Variants in LIMS1 observed in about 807,000 individuals in gnomAD.
LIMS1 encodes LIM zinc finger domain containing 1.
Under a neutral mutation model 44.1 loss-of-function variants are expected in LIMS1, and 18 were observed. That is an observed-to-expected ratio of 0.41 (90% CI 0.28 to 0.61). LIMS1 has a LOEUF of 0.61. Ranked by LOEUF, LIMS1 falls within the 20% of genes least tolerant of loss-of-function variation. The probability of loss-of-function intolerance (pLI) is 0.32; values close to 1 mark genes in which losing one functional copy is unlikely to be tolerated. For synonymous variants in LIMS1, 93 were observed against 149.1 expected, an observed-to-expected ratio of 0.62 and a Z score of 2.74; for missense variants, 201 against 422.0, an observed-to-expected ratio of 0.48 and a Z score of 4.59.
chr2:108,680,166 T>C (rs1187764066), intron 8 of LIMS1, among the ~76,000 whole-genome samples: 2 of 151,716 alleles, frequency 1.3e-5, no homozygotes, highest in East Asian at 1.9e-4. Context: ...GTCAAGAGAT[T>C]GAGACCATCT....
chr2:108,595,865 C>T (rs554152700), intron 1 of LIMS1, among the ~76,000 whole-genome samples: 18 of 152,104 alleles, frequency 1.2e-4, no homozygotes, highest in African/African-American at 3.1e-4. Flanking sequence ...TTTTTAAACT[C>T]AACAGTTCAA....
chr2:108,665,557 C>T (rs1328663178), intron 2 of LIMS1, among the ~76,000 whole-genome samples: 8 of 151,932 alleles, frequency 5.3e-5, no homozygotes, highest in African/African-American at 7.3e-5. Context: ...GACAGAGTTT[C>T]GCTCTGTCGC....
At chr2:108,573,306 C>CTTTT (rs1313789655) in intron 1 of LIMS1, among the ~76,000 whole-genome samples, 1 of 141,026 alleles carries the variant, frequency 7.1e-6, no homozygotes. Context: ...CTTTTCTTTT[C>CTTTT]TTTTTTTTTT....
intron 1 of LIMS1, among the ~76,000 whole-genome samples, chr2:108,595,097 A>G (rs1686604098): frequency 6.6e-6 from 1 of 152,190 alleles, no homozygotes; most frequent in African/African-American, 2.4e-5. Context: ...CTGAAGGGCT[A>G]TTTATGGAGA....
At chr2:108,608,657 C>T (rs573574013) in intron 1 of LIMS1, among the ~76,000 whole-genome samples, 1 of 151,130 alleles carries the variant, frequency 6.6e-6, no homozygotes, top group African/African-American at 2.4e-5. Context: ...AGTGAATTTT[C>T]TTTTACAGCT....
intron 1 of LIMS1, among the ~76,000 whole-genome samples, chr2:108,546,520 T>C (rs1684487788): frequency 1.3e-5 from 2 of 152,054 alleles, no homozygotes; most frequent in Non-Finnish European, 2.9e-5. Flanking sequence ...TCTGCACTTC[T>C]TGGAAGTCCA....
intron 2 of LIMS1, among the ~76,000 whole-genome samples, chr2:108,661,683 T>C (rs2148973735): frequency 6.6e-6 from 1 of 152,210 alleles, no homozygotes; most frequent in Admixed American, 6.5e-5. Flanking sequence ...CGTTTGCTGG[T>C]GGTAGTGGTG....
rs1692536300 is a variant in LIMS1 at position 108,676,047 on chromosome 2, AG to A, written c.681+22del. ...TGTGGAGGTGAGTTCTAAATGGCAA[AG>A]GGTAACCAATCCTTTCAAATCTCCA... On this transcript the variant is annotated intron_variant, in intron 6 of 9. Transcript: ENST00000544547. 1 of 1,602,204 alleles carries A rather than the reference AG, an allele frequency of 6.2e-7. No individual in the cohort carries two copies. Among genetic ancestry groups the A allele is most frequent in the Admixed American group, 1.7e-5 (1 of 58,488 alleles).
At chr2:108,648,404 A>G (rs1485818269) in intron 1 of LIMS1, among the ~76,000 whole-genome samples, 3 of 152,208 alleles carry the variant, frequency 2.0e-5, no homozygotes, top group Admixed American at 6.5e-5. Flanking sequence ...TATAGATTCA[A>G]TGCTGTCCCC....
chr2:108,575,280 C>T (rs1685626017), intron 1 of LIMS1, among the ~76,000 whole-genome samples: 1 of 124,748 alleles, frequency 8.0e-6, no homozygotes, highest in Admixed American at 9.4e-5. Context: ...CTCTTACAAA[C>T]ATAGTTATAT....
chr2:108,645,106 C>T (rs1234498730), intron 1 of LIMS1, among the ~76,000 whole-genome samples: 1 of 152,028 alleles, frequency 6.6e-6, no homozygotes, highest in Non-Finnish European at 1.5e-5. Flanking sequence ...ACTTCCCCAA[C>T]CTAGCAAGGC....
rs199689171 is a variant in LIMS1, at chr2:108,552,567, G to GTA, written c.32+17985_32+17986dup. Among the ~76,000 whole-genome samples, 1,167 of 130,494 alleles carry GTA rather than the reference G, an allele frequency of 8.9e-3. 16 individuals are homozygous for GTA. Among genetic ancestry groups the GTA allele is most frequent in the African/African-American group, 0.025 (863 of 33,962 alleles). The allele number at this position is 130,494 out of a possible 152,430, so 85.6% of individuals were successfully genotyped here. ...ATACACTATGAGTGAACTTTGGGGTGTATATATATATATTTTGGGTGTGTG... is the reference window on the plus strand; with the variant it reads ...ATACACTATGAGTGAACTTTGGGGTGTATATATATATATATTTTGGGTGTGTG... On this transcript the variant is annotated intron_variant, in intron 1 of 9. Coordinates refer to ENST00000544547, the Ensembl canonical transcript of LIMS1.
chr2:108,653,577 G>A (rs1690648376), intron 1 of LIMS1, among the ~76,000 whole-genome samples: 2 of 152,090 alleles, frequency 1.3e-5, no homozygotes. Context: ...AAGATTCTGA[G>A]CCCTTTAGTT....
intron 1 of LIMS1, among the ~76,000 whole-genome samples, chr2:108,535,177 T>C (rs2104557715): frequency 6.6e-6 from 1 of 152,350 alleles, no homozygotes; most frequent in African/African-American, 2.4e-5. Flanking sequence ...ACAACTACGT[T>C]CTCCCATCTC....
intron 1 of LIMS1, among the ~76,000 whole-genome samples, chr2:108,626,004 T>C (rs765741378): frequency 3.9e-5 from 6 of 152,206 alleles, no homozygotes; most frequent in Admixed American, 2.0e-4. Context: ...GGGCCCACCA[T>C]GTCTCATGAT....
intron 1 of LIMS1, among the ~76,000 whole-genome samples, chr2:108,603,715 AGTACT>A (rs1262778544): frequency 6.6e-6 from 1 of 152,022 alleles, no homozygotes; most frequent in African/African-American, 2.4e-5. Context: ...GGCCTCCCAA[AGTACT>A]GTGAGCCACC....
chr2:108,543,299 C>T (rs778690784), intron 1 of LIMS1, among the ~76,000 whole-genome samples: 2 of 152,144 alleles, frequency 1.3e-5, no homozygotes, highest in Non-Finnish European at 2.9e-5. Flanking sequence ...GGCATGGTGG[C>T]ACGTGCCCGT....
intron 1 of LIMS1, among the ~76,000 whole-genome samples, chr2:108,544,757 A>G (rs1395174603): frequency 6.6e-6 from 1 of 152,176 alleles, no homozygotes; most frequent in Non-Finnish European, 1.5e-5. Context: ...GGCCTCCCAA[A>G]GTGCTAGGAT....
At chr2:108,647,539 G>A (rs1449595029) in intron 1 of LIMS1, among the ~76,000 whole-genome samples, 2 of 152,174 alleles carry the variant, frequency 1.3e-5, no homozygotes. Context: ...CAATATCCCT[G>A]ATGAACATCA....
Sources: allele counts gnomAD v4.1 joint callset (sites outside exome capture counted in the v4.1 genomes callset), GRCh38; gene constraint gnomAD v4.1.1; transcripts MANE v1.5; gene names NCBI Gene and HGNC (gene_info 2026-07-23, HGNC 2026-07-21).